Variants in CACNA2D3 observed in about 807,000 individuals in gnomAD.
CACNA2D3 encodes the protein calcium voltage-gated channel auxiliary subunit alpha2delta 3.
Under a neutral mutation model 160.6 loss-of-function variants are expected in CACNA2D3, and 60 were observed. That is an observed-to-expected ratio of 0.37 (90% CI 0.30 to 0.46). The LOEUF (loss-of-function observed/expected upper bound fraction) is 0.46. Ranked by LOEUF, CACNA2D3 falls within the 20% of genes least tolerant of loss-of-function variation. CACNA2D3 has a pLI of 1.00. For synonymous variants in CACNA2D3, 558 were observed against 492.9 expected, an observed-to-expected ratio of 1.13 and a Z score of -1.75; for missense variants, 1,205 against 1,365.0, an observed-to-expected ratio of 0.88 and a Z score of 1.85.
At chr3:54,321,634 C>CT (rs1703998302) in intron 3 of CACNA2D3, among the ~76,000 whole-genome samples, 1 of 152,104 alleles carries the variant, frequency 6.6e-6, no homozygotes, top group Non-Finnish European at 1.5e-5. Flanking sequence ...AGAGAGGAGA[C>CT]TGAGAGGAGG....
At chr3:54,458,997 C>G (rs1011766263) in intron 4 of CACNA2D3, among the ~76,000 whole-genome samples, 1 of 152,040 alleles carries the variant, frequency 6.6e-6, no homozygotes, top group Non-Finnish European at 1.5e-5. Flanking sequence ...TGTTCAATTC[C>G]CACCTATGAG....
chr3:54,824,773 C>T (rs567234408), intron 14 of CACNA2D3, among the ~76,000 whole-genome samples: 1 of 152,210 alleles, frequency 6.6e-6, no homozygotes, highest in African/African-American at 2.4e-5. Flanking sequence ...GCCACATGCT[C>T]AATGAGGGGT....
At chr3:54,647,950 A>G (rs1414472227) in intron 11 of CACNA2D3, among the ~76,000 whole-genome samples, 1 of 152,234 alleles carries the variant, frequency 6.6e-6, no homozygotes, top group Admixed American at 6.5e-5. Context: ...GGAATAAAAT[A>G]TGAACTCCAA....
chr3:55,036,923 A>G (rs1703830180), intron 35 of CACNA2D3, among the ~76,000 whole-genome samples: 1 of 152,098 alleles, frequency 6.6e-6, no homozygotes, highest in African/African-American at 2.4e-5. Flanking sequence ...TGCCTATAGA[A>G]GTGTATGATT....
intron 4 of CACNA2D3, among the ~76,000 whole-genome samples, chr3:54,445,075 T>C (rs1700200066): frequency 6.6e-6 from 1 of 152,172 alleles, no homozygotes; most frequent in African/African-American, 2.4e-5. Flanking sequence ...AACAGGCAGG[T>C]AGCAGATGCA....
At chr3:54,192,141 C>T (rs1213976130) in intron 2 of CACNA2D3, among the ~76,000 whole-genome samples, 4 of 150,116 alleles carry the variant, frequency 2.7e-5, no homozygotes, top group Admixed American at 6.6e-5. Context: ...CCCTGTCAGT[C>T]AGCAGTGCCA....
chr3:54,940,131 T>C (rs6806020), intron 27 of CACNA2D3, among the ~76,000 whole-genome samples: 112,976 of 152,102 alleles, frequency 0.74, 42,376 homozygotes, highest in East Asian at 0.86. Context: ...CATTGGTGTC[T>C]AGTCTCAGGC....
At chr3:54,346,633 A>G (rs888771803) in intron 3 of CACNA2D3, among the ~76,000 whole-genome samples, 4 of 152,156 alleles carry the variant, frequency 2.6e-5, no homozygotes, top group Non-Finnish European at 5.9e-5. Context: ...CGCATTATTA[A>G]CATCTTGTAT....
chr3:54,664,097 C>A (rs993624894), intron 11 of CACNA2D3, among the ~76,000 whole-genome samples: 2 of 152,248 alleles, frequency 1.3e-5, no homozygotes, highest in Admixed American at 1.3e-4. Context: ...TGAGCCGAAT[C>A]GGCGATGGCA....
At chr3:54,178,595 G>T (rs1700719234) in intron 2 of CACNA2D3, among the ~76,000 whole-genome samples, 1 of 152,186 alleles carries the variant, frequency 6.6e-6, no homozygotes, top group African/African-American at 2.4e-5. Context: ...GGGCTGTCTT[G>T]GTTGTTTGCC....
chr3:54,690,538 T>G (rs186045477), intron 11 of CACNA2D3, among the ~76,000 whole-genome samples: 2 of 152,210 alleles, frequency 1.3e-5, no homozygotes, highest in African/African-American at 2.4e-5. Flanking sequence ...TTGTGTGAAC[T>G]GCTTATTTTT....
intron 11 of CACNA2D3, among the ~76,000 whole-genome samples, chr3:54,645,001 A>T (rs1293774319): frequency 1.3e-5 from 2 of 152,226 alleles, no homozygotes; most frequent in Non-Finnish European, 2.9e-5. Context: ...TCAATTACCA[A>T]TCAACATTAA....
At chr3:54,174,006 C>G (rs1186284435) in intron 2 of CACNA2D3, among the ~76,000 whole-genome samples, 1 of 152,090 alleles carries the variant, frequency 6.6e-6, no homozygotes, top group Admixed American at 6.5e-5. Flanking sequence ...TGGAGCTGGT[C>G]CTTGCTCTAG....
intron 2 of CACNA2D3, among the ~76,000 whole-genome samples, chr3:54,219,856 A>G (rs1382479211): frequency 6.6e-6 from 1 of 152,156 alleles, no homozygotes; most frequent in African/African-American, 2.4e-5. Context: ...ATATCTGGAA[A>G]CATGCTAACA....
intron 9 of CACNA2D3, among the ~76,000 whole-genome samples, chr3:54,595,314 GT>G (rs1279252226): frequency 2.1e-4 from 19 of 89,284 alleles, no homozygotes; most frequent in Non-Finnish European, 4.6e-5. Flanking sequence ...TGTGTGTGTG[GT>G]GTGTGTGTGT....
chr3:54,798,065 A>C (rs901318351), intron 13 of CACNA2D3, among the ~76,000 whole-genome samples: 3 of 152,186 alleles, frequency 2.0e-5, no homozygotes, highest in African/African-American at 4.8e-5. Context: ...TTAAAATATT[A>C]CTCACTTCAG....
At position 54,955,568 on chromosome 3, in the gene CACNA2D3, T is replaced by C. The variant is rs531522841; in HGVS notation, c.2450-12882T>C. Among the ~76,000 whole-genome samples the C allele has an allele frequency of 5.3e-5, 8 of 152,310 alleles. No individual in the cohort carries two copies. The South Asian group carries it at 1.7e-3, about 32-fold the overall frequency. The stretch of plus-strand genomic sequence containing the variant: ...CAATACTAAGCTAGAGGAACGTTGA[T>C]TCTGAGGCAGCTTCTAAGGTCTATC... On this transcript the variant is annotated intron_variant, in intron 27 of 37. Coordinates refer to ENST00000474759, the MANE Select transcript of CACNA2D3 (RefSeq NM_018398.3).
At chr3:54,949,908 A>G (rs973071684) in intron 27 of CACNA2D3, among the ~76,000 whole-genome samples, 1 of 152,186 alleles carries the variant, frequency 6.6e-6, no homozygotes, top group African/African-American at 2.4e-5. Flanking sequence ...ATTCATGTCT[A>G]GTCTACCTGA....
rs139479801 is a variant in CACNA2D3 at position 54,881,811 on chromosome 3, T to G, written c.1912+948T>G. 2.3e-3 allele frequency among the ~76,000 whole-genome samples: 343 copies of G among 152,336 alleles called. 2 individuals are homozygous for G. The highest frequency in any genetic ancestry group is 0.01 in the South Asian group (50 of 4,822). On this transcript the variant is annotated intron_variant, in intron 21 of 37. Transcript: ENST00000474759. ...TGATTACACATGTATGTGGTGAGTT[T>G]CCAGAAGCTGGGCCATCCATGGCGC...
Sources: allele counts gnomAD v4.1 joint callset (sites outside exome capture counted in the v4.1 genomes callset), GRCh38; gene constraint gnomAD v4.1.1; transcripts MANE v1.5; gene names NCBI Gene and HGNC (gene_info 2026-07-23, HGNC 2026-07-21).